The following WDPCP variants were observed in gnomAD, a reference collection of about 807,000 sequenced individuals.
WDPCP encodes WD repeat-containing and planar cell polarity effector protein fritz homolog.
In WDPCP, 71 loss-of-function variants were observed where a neutral mutation model predicts 93.1. That is an observed-to-expected ratio of 0.76 (90% CI 0.63 to 0.93). WDPCP has a LOEUF of 0.93. Ranked by LOEUF, WDPCP falls within the 40% of genes least tolerant of loss-of-function variation. The pLI is 0.00. For missense variants in WDPCP, 844 were observed against 887.4 expected (o/e 0.95, Z 0.62); for synonymous variants, 315 against 315.0 (o/e 1.00, Z 0.00).
At chr2:63,597,585 C>A in intron 3 of WDPCP, 2 of 1,358,776 alleles carry the variant, frequency 1.5e-6, no homozygotes, top group South Asian at 2.2e-5. Flanking sequence ...GTGACCAATG[C>A]TGTATTTTAT....
At chr2:63,630,367 A>G (rs995105284) in intron 3 of WDPCP, among the ~76,000 whole-genome samples, 1 of 152,332 alleles carries the variant, frequency 6.6e-6, no homozygotes, top group African/African-American at 2.4e-5. Flanking sequence ...AAGATGACCT[A>G]ACTACATACA....
chr2:63,420,498 C>T (rs891357473), intron 9 of WDPCP, among the ~76,000 whole-genome samples: 11 of 149,982 alleles, frequency 7.3e-5, no homozygotes, highest in Non-Finnish European at 1.3e-4. Context: ...GGCACCATTG[C>T]ACTCCAGCCT....
At chr2:63,147,728 G>A (rs930212641) in intron 17 of WDPCP, among the ~76,000 whole-genome samples, 26 of 152,166 alleles carry the variant, frequency 1.7e-4, no homozygotes, top group African/African-American at 5.8e-4. Flanking sequence ...CAGCACTTTG[G>A]GGGGCCAAGG....
chr2:63,607,010 G>C, intron 3 of WDPCP: 1 of 1,594,782 alleles, frequency 6.3e-7, no homozygotes, highest in African/African-American at 1.3e-5. Context: ...GTTACTAAAT[G>C]CTTCAAAGCT....
intron 6 of WDPCP, among the ~76,000 whole-genome samples, chr2:63,477,425 T>G (rs1396409553): frequency 6.6e-6 from 1 of 152,138 alleles, no homozygotes; most frequent in Non-Finnish European, 1.5e-5. Context: ...AGGCATTGTC[T>G]GAAGAAAATC....
At chr2:63,313,349 A>C in intron 12 of WDPCP, 38 bp from the exon 13 acceptor site, 1 of 1,573,208 alleles carries the variant, frequency 6.4e-7, no homozygotes, top group Non-Finnish European at 8.7e-7. Context: ...AGTTGTGAAC[A>C]AGAATATATA....
intron 13 of WDPCP, among the ~76,000 whole-genome samples, chr2:63,302,370 C>A (rs1685396848): frequency 6.6e-6 from 1 of 152,160 alleles, no homozygotes; most frequent in South Asian, 2.1e-4. Context: ...AAATACCATT[C>A]CCAGTAGGAT....
chr2:63,540,863 C>G (rs965595647), intron 1 of WDPCP, among the ~76,000 whole-genome samples: 4 of 151,440 alleles, frequency 2.6e-5, no homozygotes, highest in African/African-American at 9.7e-5. Flanking sequence ...AAGTGATCCT[C>G]CCTCCAAGTA....
intron 2 of WDPCP, among the ~76,000 whole-genome samples, chr2:63,760,274 G>T (rs1393119781): frequency 6.6e-6 from 1 of 152,134 alleles, no homozygotes; most frequent in Non-Finnish European, 1.5e-5. Flanking sequence ...AGCCTTGCCT[G>T]AGAGTTTAAT....
At chr2:63,272,376 A>G (rs1055857668) in intron 13 of WDPCP, among the ~76,000 whole-genome samples, 2 of 152,224 alleles carry the variant, frequency 1.3e-5, no homozygotes, top group African/African-American at 4.8e-5. Flanking sequence ...CCAATCTATA[A>G]AACTGGAAGA....
chr2:63,687,310 C>A (rs1253226224), intron 2 of WDPCP, among the ~76,000 whole-genome samples: 2 of 152,086 alleles, frequency 1.3e-5, no homozygotes, highest in Non-Finnish European at 2.9e-5. Context: ...CACAGGCAAC[C>A]AAAGCAAAAA....
At chr2:63,397,387 A>G (rs183373643) in intron 10 of WDPCP, among the ~76,000 whole-genome samples, 3 of 152,316 alleles carry the variant, frequency 2.0e-5, no homozygotes, top group East Asian at 3.9e-4. Flanking sequence ...TCTGCACATA[A>G]TGAGTCTAAG....
At chr2:63,827,729 T>G (rs1671135379) in exon 1 of WDPCP, 1 of 152,208 alleles carries the variant, frequency 6.6e-6, no homozygotes, top group Admixed American at 6.5e-5. Context: ...TGGCTTCATT[T>G]TCAGGCTTCA....
intron 6 of WDPCP, among the ~76,000 whole-genome samples, chr2:63,461,575 G>A (rs899978671): frequency 2.0e-5 from 3 of 152,058 alleles, no homozygotes; most frequent in East Asian, 1.9e-4. Flanking sequence ...ATGCAAGAAC[G>A]GCCTAATACA....
In WDPCP at chr2:63,299,411, C is replaced by G. The variant is rs572006271; in HGVS notation, c.1812+13837G>C. Among the ~76,000 whole-genome samples, 10 of 152,272 alleles carry G rather than the reference C, an allele frequency of 6.6e-5. No homozygotes were observed. In the South Asian group the frequency reaches 2.1e-3, roughly 32 times the overall value. ...GGCCTGGTTAGGAATTGGACCCTGT[C>G]CCTACTGTAAAAAGGAAGGGATTTG... On this transcript the variant is annotated intron_variant, in intron 13 of 17. Transcript: ENST00000272321.
chr2:63,153,541 T>G lies in WDPCP; in HGVS notation c.2112A>C (p.Lys704Asn). Reference sequence around the variant, plus strand: ...TCATCAAAAATCCAGAACAGATGTCTTTTTCAAGTTCATTCCTTCTGTCAA... The same window carrying G: ...TCATCAAAAATCCAGAACAGATGTCGTTTTCAAGTTCATTCCTTCTGTCAA... The part of the protein sequence containing the change: ...QIIDRRNELE[K>N]DICSGFLMTN... Residue 704 changes from lysine (K) to asparagine (N), a missense_variant, in exon 16 of 18, where the codon AAA becomes AAC. By Grantham distance (94) the Lys-to-Asn change is moderately conservative. Transcript: ENST00000272321. 1 of 1,612,590 alleles carries G rather than the reference T, an allele frequency of 6.2e-7. No homozygotes were observed. The highest frequency in any genetic ancestry group is 8.5e-7 in the Non-Finnish European group (1 of 1,179,108).
chr2:63,764,951 C>G (rs1255554372), intron 2 of WDPCP, among the ~76,000 whole-genome samples: 1 of 152,150 alleles, frequency 6.6e-6, no homozygotes, highest in Non-Finnish European at 1.5e-5. Flanking sequence ...GAAAGAGCTG[C>G]TTATCTAAGA....
At chr2:63,439,985 A>T in intron 6 of WDPCP, 114 bp from the exon 7 acceptor site, 3 of 721,584 alleles carry the variant, frequency 4.2e-6, no homozygotes, top group African/African-American at 1.8e-5. Flanking sequence ...ATGCATCTAC[A>T]CTACAAAATT....
chr2:63,450,162 C>T (rs375158115), intron 6 of WDPCP, among the ~76,000 whole-genome samples: 1 of 152,186 alleles, frequency 6.6e-6, no homozygotes, highest in Non-Finnish European at 1.5e-5. Flanking sequence ...ACTCCTTCTT[C>T]CTTTCCACAC....
Sources: allele counts gnomAD v4.1 joint callset (sites outside exome capture counted in the v4.1 genomes callset), GRCh38; gene constraint gnomAD v4.1.1; transcripts MANE v1.5; gene names NCBI Gene and HGNC (gene_info 2026-07-23, HGNC 2026-07-21).